ADAMTS3: variants seen among roughly 807,000 people sequenced by gnomAD.
The protein encoded by ADAMTS3 is ADAM metallopeptidase with thrombospondin type 1 motif 3, also known as A disintegrin and metalloproteinase with thrombospondin motifs 3.
A neutral mutation model predicts 129.0 loss-of-function variants in ADAMTS3; 73 were observed. The observed-to-expected ratio is 0.57, with a 90% CI of 0.47 to 0.69. The LOEUF is 0.69. ADAMTS3 is among the 30% of genes least tolerant of loss of function. The pLI is 0.00. For synonymous variants in ADAMTS3, 477 were observed against 510.8 expected (o/e 0.93, Z 0.89); for missense variants, 1,457 against 1,514.5 (o/e 0.96, Z 0.63).
chr4:72,425,104 A>C (rs769672723), intron 3 of ADAMTS3, among the ~76,000 whole-genome samples: 1 of 152,158 alleles, frequency 6.6e-6, no homozygotes, highest in African/African-American at 2.4e-5. Context: ...GAAATTTGTG[A>C]ATTATGGGAT....
At chr4:72,537,284 T>C (rs1420174202) in intron 3 of ADAMTS3, among the ~76,000 whole-genome samples, 1 of 152,266 alleles carries the variant, frequency 6.6e-6, no homozygotes, top group Non-Finnish European at 1.5e-5. Flanking sequence ...TGATCACTGA[T>C]GCTTCTGATC....
At position 72,381,249 on chromosome 4, in the gene ADAMTS3, C is replaced by T. The variant is rs76117657; in HGVS notation, c.661+33566G>A. On this transcript the variant is annotated intron_variant, in intron 4 of 21. Transcript: ENST00000286657. ...AATAGTATAGTAAAAAGGGCAAGTA[C>T]TTATAAACAAATAACCTTTTTTTAT... 8.0e-3 allele frequency among the ~76,000 whole-genome samples: 1,212 copies of T among 152,196 alleles called. 21 individuals carry two copies. Among genetic ancestry groups the T allele is most frequent in the African/African-American group, 0.028 (1,157 of 41,540 alleles).
intron 3 of ADAMTS3, among the ~76,000 whole-genome samples, chr4:72,499,396 AT>A (rs1719950783): frequency 6.6e-6 from 1 of 152,282 alleles, no homozygotes; most frequent in South Asian, 2.1e-4. Flanking sequence ...TTTCAGCAGG[AT>A]AATCTCCTCC....
intron 3 of ADAMTS3, among the ~76,000 whole-genome samples, chr4:72,449,024 T>G (rs1718325652): frequency 6.6e-6 from 1 of 151,708 alleles, no homozygotes; most frequent in South Asian, 2.1e-4. Context: ...TGTCTCACTC[T>G]TGAAATGCTA....
In ADAMTS3 at chr4:72,283,621, A is replaced by G. The variant is rs1432968644; in HGVS notation, c.3133T>C (p.Leu1045=). The G allele has an allele frequency of 6.2e-7, 1 of 1,613,958 alleles. No individual in the cohort carries two copies. Among genetic ancestry groups the G allele is most frequent in the East Asian group, 2.2e-5 (1 of 44,838 alleles). The change falls in exon 22 of 22, where the codon TTA becomes CTA. Residue 1045 remains leucine, a synonymous_variant. Coordinates refer to ENST00000286657, the MANE Select transcript of ADAMTS3 (RefSeq NM_014243.3). ...RYCSIPGYNK[L]CCESCSKRSS... ...CGCTTGCTGCAGGACTCACAACATA[A>G]CTTGTTATAACCTGGTATGGAGCAG...
chr4:72,489,936 C>T (rs1202511493), intron 3 of ADAMTS3, among the ~76,000 whole-genome samples: 3 of 151,812 alleles, frequency 2.0e-5, no homozygotes, highest in African/African-American at 7.2e-5. Context: ...TTTGAGGAGC[C>T]TCCATACTGT....
At chr4:72,454,008 G>T (rs1426549332) in intron 3 of ADAMTS3, among the ~76,000 whole-genome samples, 2 of 151,100 alleles carry the variant, frequency 1.3e-5, no homozygotes, top group Non-Finnish European at 3.0e-5. Flanking sequence ...CTGTAGATTT[G>T]CTTGAAAGCA....
At chr4:72,399,709 T>C (rs1022407066) in intron 4 of ADAMTS3, among the ~76,000 whole-genome samples, 4 of 148,914 alleles carry the variant, frequency 2.7e-5, no homozygotes, top group Non-Finnish European at 6.0e-5. Flanking sequence ...ACACACACGG[T>C]GTGTACGCAT....
intron 13 of ADAMTS3, among the ~76,000 whole-genome samples, chr4:72,311,881 C>A (rs561042984): frequency 6.6e-6 from 1 of 152,044 alleles, no homozygotes; most frequent in African/African-American, 2.4e-5. Flanking sequence ...TATAAGGTAT[C>A]TTTTGTTATT....
intron 4 of ADAMTS3, among the ~76,000 whole-genome samples, chr4:72,408,877 G>A (rs1328767823): frequency 6.6e-6 from 1 of 151,876 alleles, no homozygotes; most frequent in East Asian, 1.9e-4. Flanking sequence ...AACAACACAT[G>A]GACACAGGGA....
At chr4:72,335,868 C>T (rs367922369) in intron 5 of ADAMTS3, among the ~76,000 whole-genome samples, 28 of 152,140 alleles carry the variant, frequency 1.8e-4, no homozygotes, top group African/African-American at 6.0e-4. Flanking sequence ...CAAGATTGTT[C>T]GTGATCTACC....
At position 72,539,141 on chromosome 4, in the gene ADAMTS3, C is replaced by T. The variant is rs1253901090; in HGVS notation, c.504+9337G>A. Among the ~76,000 whole-genome samples the T allele has an allele frequency of 2.0e-5, 3 of 151,692 alleles. No homozygotes were observed. The East Asian group carries it at 5.8e-4, about 29-fold the overall frequency. ...GATTTCACATCAAAGGCACAGGAAA[C>T]AAAAGAAAAAATAAATTGGACTTCA... On this transcript the variant is annotated intron_variant, in intron 3 of 21. Transcript: ENST00000286657.
intron 3 of ADAMTS3, among the ~76,000 whole-genome samples, chr4:72,507,930 C>G (rs1260413930): frequency 6.6e-6 from 1 of 152,140 alleles, no homozygotes; most frequent in African/African-American, 2.4e-5. Context: ...TACTGCTTTA[C>G]ATTTATGCTG....
intron 19 of ADAMTS3, among the ~76,000 whole-genome samples, chr4:72,293,463 C>T (rs932369387): frequency 6.6e-6 from 1 of 152,146 alleles, no homozygotes; most frequent in Non-Finnish European, 1.5e-5. Flanking sequence ...AAAAATCCAT[C>T]TGTGAAATGG....
At chr4:72,375,878 A>G (rs545536994) in intron 4 of ADAMTS3, among the ~76,000 whole-genome samples, 28 of 152,272 alleles carry the variant, frequency 1.8e-4, no homozygotes, top group Admixed American at 5.2e-4. Flanking sequence ...AAGAAACTGA[A>G]AAGTACCCAG....
chr4:72,288,404 GC>G (rs1718566551), intron 21 of ADAMTS3, among the ~76,000 whole-genome samples: 1 of 152,138 alleles, frequency 6.6e-6, no homozygotes, highest in South Asian at 2.1e-4. Flanking sequence ...GCAAAATTAT[GC>G]TTTTAATAAA....
intron 2 of ADAMTS3, among the ~76,000 whole-genome samples, chr4:72,550,008 AAG>A (rs1560563977): frequency 0.018 from 40 of 2,182 alleles, 8 homozygotes; most frequent in East Asian, 0.062. Flanking sequence ...GAGGAAGAAG[AAG>A]AAGAAGAAGA....
At chr4:72,423,831 T>A (rs1254243410) in intron 3 of ADAMTS3, among the ~76,000 whole-genome samples, 1 of 152,038 alleles carries the variant, frequency 6.6e-6, no homozygotes, top group East Asian at 1.9e-4. Flanking sequence ...TCTACTTAAA[T>A]AAAAGAAACT....
intron 20 of ADAMTS3, among the ~76,000 whole-genome samples, chr4:72,290,054 A>G (rs1318931381): frequency 6.6e-6 from 1 of 152,102 alleles, no homozygotes; most frequent in Non-Finnish European, 1.5e-5. Flanking sequence ...TATGACCCCA[A>G]GATTTCTTAT....
Sources: allele counts gnomAD v4.1 joint callset (sites outside exome capture counted in the v4.1 genomes callset), GRCh38; gene constraint gnomAD v4.1.1; transcripts MANE v1.5; gene names NCBI Gene and HGNC (gene_info 2026-07-23, HGNC 2026-07-21).